Variants in SLC39A11 observed in about 807,000 individuals in gnomAD.
SLC39A11 encodes the protein zinc transporter ZIP11.
SLC39A11 carries 33 observed loss-of-function variants against 36.1 expected under a neutral mutation model. The observed-to-expected ratio is 0.91, with a 90% CI of 0.69 to 1.22. The LOEUF (loss-of-function observed/expected upper bound fraction) is 1.22, where lower values mean the gene tolerates loss of function less well. Among genes scored for constraint, SLC39A11 ranks in the 50% most tolerant of loss-of-function variants. SLC39A11 has a pLI of 0.00. For missense variants in SLC39A11, 432 were observed against 430.3 expected (o/e 1.00, Z -0.03); for synonymous variants, 166 against 170.3 (o/e 0.97, Z 0.20).
At chr17:72,852,228 A>AAAAAAAAC (rs1491123331) in intron 5 of SLC39A11, among the ~76,000 whole-genome samples, 1 of 134,828 alleles carries the variant, frequency 7.4e-6, no homozygotes, top group Admixed American at 7.6e-5. Flanking sequence ...AAAAAAAAAA[A>AAAAAAAAC]CAGAAAGAAA....
At chr17:72,814,362 A>C (rs540783595) in intron 6 of SLC39A11, among the ~76,000 whole-genome samples, 1 of 152,324 alleles carries the variant, frequency 6.6e-6, no homozygotes, top group African/African-American at 2.4e-5. Flanking sequence ...AGGCGGAGAG[A>C]CAAGAACGAC....
At chr17:72,775,981 T>G (rs1312384468) in intron 6 of SLC39A11, among the ~76,000 whole-genome samples, 3 of 152,242 alleles carry the variant, frequency 2.0e-5, no homozygotes, top group Non-Finnish European at 2.9e-5. Context: ...TGAAAATCTC[T>G]TTTCCAAACA....
intron 6 of SLC39A11, among the ~76,000 whole-genome samples, chr17:72,781,419 T>C (rs1355039529): frequency 2.0e-5 from 3 of 152,094 alleles, no homozygotes; most frequent in Admixed American, 6.5e-5. Flanking sequence ...TTTGGTTTTT[T>C]TTTTTTCTTT....
At chr17:72,721,537 T>G (rs1434704593) in intron 7 of SLC39A11, among the ~76,000 whole-genome samples, 4 of 152,180 alleles carry the variant, frequency 2.6e-5, no homozygotes, top group African/African-American at 9.7e-5. Flanking sequence ...AGCACAGGAC[T>G]GGGCACACAA....
At position 72,737,275 on chromosome 17, in the gene SLC39A11, C is replaced by CA. The variant is rs35677260; in HGVS notation, c.602-557dup. Among the ~76,000 whole-genome samples the CA allele has an allele frequency of 1.1e-3, 160 of 145,200 alleles. 1 individual carries two copies. Among genetic ancestry groups the CA allele is most frequent in the African/African-American group, 3.0e-3 (117 of 38,806 alleles). ...TGGGTGACAAAGTGAGACTCTGTCTCAAAAAAAAAAAAATAAAAATAAATT... is the reference window on the plus strand; with the variant it reads ...TGGGTGACAAAGTGAGACTCTGTCTCAAAAAAAAAAAAAATAAAAATAAATT... On this transcript the variant is annotated intron_variant, in intron 6 of 9. Transcript: ENST00000255559.
intron 3 of SLC39A11, among the ~76,000 whole-genome samples, chr17:73,075,366 C>A (rs538574923): frequency 3.3e-5 from 5 of 152,358 alleles, no homozygotes; most frequent in African/African-American, 4.8e-5. Context: ...CTGCCAAATA[C>A]TGGCAGCCCC....
chr17:73,037,586 C>A (rs1167242976), intron 3 of SLC39A11, among the ~76,000 whole-genome samples: 2 of 152,234 alleles, frequency 1.3e-5, no homozygotes, highest in Non-Finnish European at 2.9e-5. Flanking sequence ...AGCTGTGACC[C>A]CGCCTGTAAA....
chr17:72,848,711 ACT>A (rs956474763), intron 6 of SLC39A11, among the ~76,000 whole-genome samples: 1 of 133,114 alleles, frequency 7.5e-6, no homozygotes, highest in Non-Finnish European at 1.7e-5. Context: ...ACAGAGCAAG[ACT>A]CTGTCTTAAA....
intron 3 of SLC39A11, among the ~76,000 whole-genome samples, chr17:73,044,997 G>A (rs11869051): frequency 0.61 from 93,261 of 151,790 alleles, 29,184 homozygotes; most frequent in Middle Eastern, 0.66. Flanking sequence ...TATTGTATAT[G>A]TATTAGATCT....
chr17:72,920,511 T>A (rs912033548), intron 5 of SLC39A11, among the ~76,000 whole-genome samples: 1 of 151,688 alleles, frequency 6.6e-6, no homozygotes, highest in Non-Finnish European at 1.5e-5. Context: ...CAGGTCCTTA[T>A]AGAAATGCCA....
At chr17:73,037,961 G>T (rs1285966063) in intron 3 of SLC39A11, among the ~76,000 whole-genome samples, 1 of 152,234 alleles carries the variant, frequency 6.6e-6, no homozygotes, top group Non-Finnish European at 1.5e-5. Flanking sequence ...AGGGGCTTAC[G>T]CCCATAATCC....
intron 5 of SLC39A11, among the ~76,000 whole-genome samples, chr17:72,850,745 G>T (rs1317702503): frequency 2.0e-5 from 3 of 152,168 alleles, no homozygotes; most frequent in Non-Finnish European, 4.4e-5. Flanking sequence ...CAAGCGTTTT[G>T]TGAGGATTAA....
At chr17:72,722,778 G>A (rs1217732772) in intron 7 of SLC39A11, among the ~76,000 whole-genome samples, 1 of 152,066 alleles carries the variant, frequency 6.6e-6, no homozygotes, top group South Asian at 2.1e-4. Flanking sequence ...GGGATTACAG[G>A]TGCCTGCCAC....
chr17:72,666,972 C>A (rs1473332028), intron 7 of SLC39A11, among the ~76,000 whole-genome samples: 2 of 152,172 alleles, frequency 1.3e-5, no homozygotes, highest in Admixed American at 6.5e-5. Context: ...ATGTGGGGTG[C>A]TTCCCATTTG....
At chr17:72,945,185 C>T (rs903394600) in intron 5 of SLC39A11, among the ~76,000 whole-genome samples, 12 of 152,128 alleles carry the variant, frequency 7.9e-5, no homozygotes, top group African/African-American at 2.9e-4. Context: ...AAACATTGCA[C>T]ACTAAGACCT....
chr17:72,925,119 T>C (rs2083964266), intron 5 of SLC39A11, among the ~76,000 whole-genome samples: 2 of 152,064 alleles, frequency 1.3e-5, no homozygotes, highest in African/African-American at 2.4e-5. Flanking sequence ...AATTTCAGGA[T>C]GGCCATGTGG....
intron 4 of SLC39A11, among the ~76,000 whole-genome samples, chr17:72,976,721 G>A (rs193205501): frequency 2.6e-5 from 4 of 152,158 alleles, no homozygotes; most frequent in Non-Finnish European, 5.9e-5. Flanking sequence ...ATGGTGGCAC[G>A]TGCCTATAAT....
At chr17:72,714,879 A>G (rs547520700) in intron 7 of SLC39A11, among the ~76,000 whole-genome samples, 8 of 152,354 alleles carry the variant, frequency 5.3e-5, no homozygotes, top group African/African-American at 1.9e-4. Flanking sequence ...GTACTTGTGA[A>G]GCTAATAGTG....
chr17:72,669,200 C>T (rs578007754), intron 7 of SLC39A11, among the ~76,000 whole-genome samples: 11 of 152,274 alleles, frequency 7.2e-5, no homozygotes, highest in South Asian at 4.2e-4. Context: ...CAAGACTTCT[C>T]GAAAATGTAC....
Sources: allele counts gnomAD v4.1 joint callset (sites outside exome capture counted in the v4.1 genomes callset), GRCh38; gene constraint gnomAD v4.1.1; transcripts MANE v1.5; gene names NCBI Gene and HGNC (gene_info 2026-07-23, HGNC 2026-07-21).